Variants in SLIT2 observed in about 807,000 individuals in gnomAD.
SLIT2 encodes slit homolog 2 protein.
In SLIT2, 41 loss-of-function variants were observed where a neutral mutation model predicts 185.7. The observed-to-expected ratio is 0.22, with a 90% CI of 0.17 to 0.29. The LOEUF is 0.29. Ranked by LOEUF, SLIT2 falls within the 10% of genes least tolerant of loss-of-function variation. SLIT2 has a pLI of 1.00. For synonymous variants in SLIT2, 693 were observed against 680.2 expected, an observed-to-expected ratio of 1.02 and a Z score of -0.29; for missense variants, 1,571 against 1,909.0, an observed-to-expected ratio of 0.82 and a Z score of 3.30.
Position 20,370,701 on chromosome 4 carries a change from G to GACT in SLIT2, c.396-97049_396-97047dup, listed in dbSNP as rs532102931. 5.7e-4 allele frequency among the ~76,000 whole-genome samples: 87 copies of GACT among 152,144 alleles called. No individual in the cohort carries two copies. The South Asian group carries it at 0.015, about 25-fold the overall frequency. On this transcript the variant is annotated intron_variant, in intron 4 of 36. Transcript: ENST00000504154. ...CCTTGGTAAATGGCTATGAGGAAGTGACTATAAAGTACTGATTTGGAAGTG... is the reference window on the plus strand; with the variant it reads ...CCTTGGTAAATGGCTATGAGGAAGTGACTACTATAAAGTACTGATTTGGAAGTG...
At chr4:20,417,666 C>T (rs994861293) in intron 4 of SLIT2, among the ~76,000 whole-genome samples, 9 of 151,516 alleles carry the variant, frequency 5.9e-5, no homozygotes, top group East Asian at 1.9e-4. Flanking sequence ...GGACTATAGG[C>T]GCACCACCAC....
chr4:20,535,861 T>TACACTC (rs148695378), intron 18 of SLIT2, among the ~76,000 whole-genome samples: 1 of 151,764 alleles, frequency 6.6e-6, no homozygotes, highest in African/African-American at 2.4e-5. Context: ...TCTTTCCAAA[T>TACACTC]ATACGTATGT....
chr4:20,603,124 G>C (rs888134996), intron 33 of SLIT2, among the ~76,000 whole-genome samples: 62 of 152,180 alleles, frequency 4.1e-4, no homozygotes, highest in African/African-American at 1.4e-3. Context: ...AGTTCCACAT[G>C]GCTAGGGAGG....
intron 11 of SLIT2, among the ~76,000 whole-genome samples, chr4:20,516,478 T>C (rs1056384769): frequency 1.1e-4 from 16 of 152,234 alleles, no homozygotes; most frequent in Admixed American, 9.8e-4. Flanking sequence ...ATGTATTGAT[T>C]TTCTTTTCAG....
intron 4 of SLIT2, among the ~76,000 whole-genome samples, chr4:20,341,279 G>T (rs1720941097): frequency 6.6e-6 from 1 of 152,220 alleles, no homozygotes; most frequent in Non-Finnish European, 1.5e-5. Context: ...TGTGTCCTCT[G>T]TTGTGTAAGA....
chr4:20,569,234 A>C, intron 29 of SLIT2: 1 of 477,418 alleles, frequency 2.1e-6, no homozygotes, highest in East Asian at 3.7e-5. Flanking sequence ...AAGCCATGCT[A>C]TCCAGTAATA....
At chr4:20,379,060 G>A (rs932240512) in intron 4 of SLIT2, among the ~76,000 whole-genome samples, 78 of 152,066 alleles carry the variant, frequency 5.1e-4, no homozygotes, top group African/African-American at 1.8e-3. Context: ...AAACTATTCT[G>A]TATGATACTA....
intron 3 of SLIT2, among the ~76,000 whole-genome samples, chr4:20,260,566 T>C (rs1712345541): frequency 6.6e-6 from 1 of 151,818 alleles, no homozygotes; most frequent in Non-Finnish European, 1.5e-5. Context: ...GAATATTTCA[T>C]AGTTATACAT....
At chr4:20,488,791 G>A in intron 7 of SLIT2, 28 bp from the exon 8 acceptor site, 2 of 1,543,512 alleles carry the variant, frequency 1.3e-6, no homozygotes, top group Non-Finnish European at 1.8e-6. Flanking sequence ...CTGTTTTCTT[G>A]CTTTACACTT....
chr4:20,416,962 CTTT>C (rs33980142), intron 4 of SLIT2, among the ~76,000 whole-genome samples: 19 of 141,342 alleles, frequency 1.3e-4, no homozygotes, highest in Non-Finnish European at 1.7e-4. Context: ...GCTATCAAAT[CTTT>C]TTTTTTTTTT....
chr4:20,456,204 G>A (rs950994909), intron 4 of SLIT2, among the ~76,000 whole-genome samples: 6 of 142,356 alleles, frequency 4.2e-5, no homozygotes, highest in Non-Finnish European at 9.3e-5. Flanking sequence ...CTTAATTTTT[G>A]CTCTTATTAA....
In SLIT2 at chr4:20,461,912, A is replaced by T. The variant is rs561397670; in HGVS notation, c.396-5840A>T. On this transcript the variant is annotated intron_variant, in intron 4 of 36. Coordinates refer to ENST00000504154, the MANE Select transcript of SLIT2 (RefSeq NM_004787.4). The stretch of plus-strand genomic sequence containing the variant: ...GGGAAATCAGTTTGGAGTCTCAGTC[A>T]TCCATGAAGAGTGTTGATGAGGTTT... Among the ~76,000 whole-genome samples, 68 of 152,306 alleles carry T rather than the reference A, an allele frequency of 4.5e-4. No homozygotes were observed. In the South Asian group the frequency reaches 0.014, roughly 32 times the overall value.
rs534668880 is a variant in SLIT2 at position 20,554,469 on chromosome 4, T to C, written c.2725+501T>C. On this transcript the variant is annotated intron_variant, in intron 26 of 36. Transcript: ENST00000504154. ...ATCCCTTTCTTTTCCCTTTGTTTGA[T>C]GTATTTGTGAATCTAAATATTGTCA... 5 of 328,958 alleles carry C rather than the reference T, an allele frequency of 1.5e-5. 1 individual carries two copies. Among genetic ancestry groups the C allele is most frequent in the Admixed American group, 7.2e-5 (2 of 27,828 alleles). 20.4% of individuals were successfully genotyped at this position (328,958 alleles called of 1,614,324 possible).
intron 4 of SLIT2, among the ~76,000 whole-genome samples, chr4:20,401,596 A>C (rs1726365218): frequency 6.6e-6 from 1 of 151,842 alleles, no homozygotes; most frequent in Admixed American, 6.6e-5. Context: ...CTCTGTGAGC[A>C]GTTCCAAGAC....
intron 4 of SLIT2, among the ~76,000 whole-genome samples, chr4:20,290,804 G>A (rs535876574): frequency 6.7e-6 from 1 of 149,266 alleles, no homozygotes; most frequent in East Asian, 2.0e-4. Flanking sequence ...AGAAAGGTTA[G>A]CATTTGTATT....
chr4:20,450,305 G>A lies in SLIT2; in HGVS notation c.396-17447G>A, dbSNP rs564916345. 3.9e-5 allele frequency among the ~76,000 whole-genome samples: 6 copies of A among 152,250 alleles called. No individual in the cohort carries two copies. The East Asian group carries it at 9.7e-4, about 25-fold the overall frequency. ...CCTATTCCAACTGCCTTAGCCATGT[G>A]GATGCCCTATGGTTTGGGGCTACAT... On this transcript the variant is annotated intron_variant, in intron 4 of 36. Coordinates refer to ENST00000504154, the MANE Select transcript of SLIT2 (RefSeq NM_004787.4).
chr4:20,330,618 A>G (rs1719982368), intron 4 of SLIT2, among the ~76,000 whole-genome samples: 1 of 152,108 alleles, frequency 6.6e-6, no homozygotes, highest in Non-Finnish European at 1.5e-5. Flanking sequence ...ATACTCTCAG[A>G]AGATAGATAT....
intron 4 of SLIT2, among the ~76,000 whole-genome samples, chr4:20,332,427 G>C (rs1349782308): frequency 6.6e-6 from 1 of 152,084 alleles, no homozygotes; most frequent in African/African-American, 2.4e-5. Context: ...CGAAATAAAG[G>C]GCCAGGTGCG....
At chr4:20,578,247 T>C (rs1726233469) in intron 29 of SLIT2, among the ~76,000 whole-genome samples, 1 of 152,192 alleles carries the variant, frequency 6.6e-6, no homozygotes, top group Non-Finnish European at 1.5e-5. Flanking sequence ...AATGGAGAAA[T>C]ACAAAAATAT....
Sources: gnomAD v4.1 joint callset for allele counts (sites outside exome capture counted in the v4.1 genomes callset) on GRCh38, gnomAD v4.1.1 for gene constraint, MANE v1.5 for transcripts, NCBI Gene and HGNC (gene_info 2026-07-23, HGNC 2026-07-21) for gene names.